The following SMCO2 variants were observed in gnomAD, a reference collection of about 807,000 sequenced individuals.
The protein encoded by SMCO2 is single-pass membrane and coiled-coil domain-containing protein 2.
SMCO2 carries 25 observed loss-of-function variants against 29.5 expected under a neutral mutation model. The ratio of observed to expected loss-of-function variants is 0.85; its 90% CI spans 0.62 to 1.18. The LOEUF is 1.18. Ranked by LOEUF, SMCO2 falls within the 50% of genes most tolerant of loss-of-function variation. The probability of loss-of-function intolerance (pLI) is 0.00; values close to 1 mark genes in which losing one functional copy is unlikely to be tolerated. For missense variants in SMCO2, 348 were observed against 344.5 expected (o/e 1.01, Z -0.08); for synonymous variants, 117 against 123.3 (o/e 0.95, Z 0.34).
chr12:27,448,527 C>T, the SMCO2 span, among the ~76,000 whole-genome samples: 3 of 152,270 alleles, frequency 2.0e-5, no homozygotes, highest in East Asian at 1.9e-4. Context: ...ATGCTTTTCT[C>T]GGCATTGTGT....
At chr12:27,462,946 G>A (rs932825527), upstream of SMCO2, among the ~76,000 whole-genome samples, 1 of 152,162 alleles carries the variant, frequency 6.6e-6, no homozygotes, top group Non-Finnish European at 1.5e-5. Flanking sequence ...TAAGTGTCAC[G>A]TCTCAGGACT....
chr12:27,459,044 G>T, the SMCO2 span, among the ~76,000 whole-genome samples: 1 of 151,738 alleles, frequency 6.6e-6, no homozygotes, highest in Non-Finnish European at 1.5e-5. Flanking sequence ...AAAATTAGCT[G>T]GGTGGGGTGG....
intron 4 of SMCO2, among the ~76,000 whole-genome samples, 156 bp downstream of exon 4, chr12:27,475,069 C>G (rs978742294): frequency 1.3e-5 from 2 of 152,128 alleles, no homozygotes; most frequent in African/African-American, 4.8e-5. Flanking sequence ...CCTACATGAT[C>G]TAGCAATAAT....
At chr12:27,472,498 C>T (rs1407421111) in intron 2 of SMCO2, among the ~76,000 whole-genome samples, 1 of 152,144 alleles carries the variant, frequency 6.6e-6, no homozygotes, top group African/African-American at 2.4e-5. Context: ...CTCATTTATA[C>T]ATACATATGC....
At chr12:27,488,598 C>T in intron 5 of SMCO2, 51 bp downstream of exon 6, 1 of 1,331,714 alleles carries the variant, frequency 7.5e-7, no homozygotes, top group South Asian at 1.5e-5. Flanking sequence ...TCTGTCACTT[C>T]TTTCCCTACT....
intron 7 of SMCO2, chr12:27,498,205 T>G: frequency 3.0e-6 from 1 of 329,680 alleles, no homozygotes; most frequent in South Asian, 3.7e-5. Flanking sequence ...GAAATACAGC[T>G]GCTTACTTTT....
chr12:27,458,245 A>G, the SMCO2 span, among the ~76,000 whole-genome samples: 1 of 152,194 alleles, frequency 6.6e-6, no homozygotes, highest in African/African-American at 2.4e-5. Flanking sequence ...TGTTCAATTA[A>G]TGAATAAATT....
intron 7 of SMCO2, chr12:27,498,659 T>A (rs74970695): frequency 0.042 from 6,434 of 153,960 alleles, 340 homozygotes; most frequent in Middle Eastern, 0.065. Context: ...GCTTTTTTTT[T>A]AAATAACCAT....
the SMCO2 span, among the ~76,000 whole-genome samples, chr12:27,437,089 T>C: frequency 4.6e-5 from 7 of 152,196 alleles, no homozygotes; most frequent in African/African-American, 1.7e-4. Flanking sequence ...ATATATATGA[T>C]GTAGACATTT....
At chr12:27,487,481 C>G (rs2135566094) in intron 4 of SMCO2, among the ~76,000 whole-genome samples, 1 of 152,244 alleles carries the variant, frequency 6.6e-6, no homozygotes, top group South Asian at 2.1e-4. Context: ...CACTAAAGGA[C>G]AAATGTGTAA....
upstream of SMCO2, among the ~76,000 whole-genome samples, chr12:27,466,608 G>T (rs953657422): frequency 3.9e-5 from 6 of 152,120 alleles, no homozygotes; most frequent in Non-Finnish European, 7.4e-5. Context: ...GAGGCCAGGA[G>T]ATGGGTGGAC....
upstream of SMCO2, among the ~76,000 whole-genome samples, chr12:27,463,069 C>T (rs772303248): frequency 6.6e-5 from 10 of 152,126 alleles, no homozygotes; most frequent in Non-Finnish European, 1.2e-4. Context: ...CGGCCTGGGA[C>T]GAAGTCTGTT....
chr12:27,470,488 G>A lies in SMCO2; in HGVS notation c.-10-134G>A, dbSNP rs567778960. ...AAGAGCTTGTTTTGGGGTCCTTTAC[G>A]ATGAACAGCCAGTTGAAAGGGGAGG... On this transcript the variant is annotated intron_variant, in intron 1 of 7. Coordinates refer to ENST00000298876, the Ensembl canonical transcript of SMCO2. 23 of 929,800 alleles carry A rather than the reference G, an allele frequency of 2.5e-5. No individual in the cohort carries two copies. The African/African-American group carries it at 2.8e-4, about 11-fold the overall frequency. 57.6% of individuals were successfully genotyped at this position (929,800 alleles called of 1,614,324 possible). A position where few individuals can be genotyped will look rare whatever the true frequency, so the allele number is the denominator to read the frequency against.
chr12:27,474,707 GA>G (rs1949569686), intron 3 of SMCO2, 78 bp from the exon 4 acceptor site: 10 of 1,506,312 alleles, frequency 6.6e-6, no homozygotes, highest in Admixed American at 2.0e-5. Flanking sequence ...AGCAAAGGGG[GA>G]TTGGGTAGGG....
the SMCO2 span, among the ~76,000 whole-genome samples, chr12:27,434,648 A>T: frequency 3.9e-4 from 59 of 152,316 alleles, no homozygotes; most frequent in African/African-American, 1.2e-3. Flanking sequence ...TAGTTTATTT[A>T]AAAAAACAAG....
the SMCO2 span, among the ~76,000 whole-genome samples, chr12:27,426,032 C>G: frequency 6.6e-6 from 1 of 152,170 alleles, no homozygotes; most frequent in African/African-American, 2.4e-5. Flanking sequence ...GGCTGTGATA[C>G]ATGCTCAACC....
the SMCO2 span, among the ~76,000 whole-genome samples, chr12:27,458,496 A>G: frequency 6.6e-6 from 1 of 152,288 alleles, no homozygotes; most frequent in Middle Eastern, 3.4e-3. Flanking sequence ...AATAATGTCT[A>G]CAAACAATTA....
the SMCO2 span, among the ~76,000 whole-genome samples, chr12:27,457,806 G>A: frequency 2.0e-5 from 3 of 152,176 alleles, no homozygotes; most frequent in Non-Finnish European, 4.4e-5. Flanking sequence ...TTAAAACTTC[G>A]TAACCAGTAC....
In SMCO2 at chr12:27,484,960, C is replaced by T. The variant is rs1305180360; in HGVS notation, c.363-3500C>T. On this transcript the variant is annotated intron_variant, in intron 4 of 7. Transcript: ENST00000298876. ...TCTTAATTTTTCTTTTGTTAAGTTGCGTTGTGCCTTATGGCTCTGCAAGTT... is the reference window on the plus strand; with the variant it reads ...TCTTAATTTTTCTTTTGTTAAGTTGTGTTGTGCCTTATGGCTCTGCAAGTT... Among the ~76,000 whole-genome samples the T allele has an allele frequency of 8.1e-5, 12 of 148,646 alleles. No individual in the cohort carries two copies. The East Asian group carries it at 9.8e-4, about 12-fold the overall frequency.
Sources: gnomAD v4.1 joint callset for allele counts (sites outside exome capture counted in the v4.1 genomes callset) on GRCh38, gnomAD v4.1.1 for gene constraint, MANE v1.5 for transcripts, NCBI Gene and HGNC (gene_info 2026-07-23, HGNC 2026-07-21) for gene names.